Variants in PCNX2 observed in about 807,000 individuals in gnomAD.
PCNX2 encodes the protein pecanex 2, also known as pecanex-like protein 2.
A neutral mutation model predicts 223.8 loss-of-function variants in PCNX2; 168 were observed. The observed-to-expected ratio is 0.75, with a 90% CI of 0.66 to 0.85. The LOEUF is 0.85. PCNX2 is among the 40% of genes least tolerant of loss of function. The pLI, the probability that PCNX2 is intolerant of heterozygous loss-of-function variation, is 0.00. For missense variants in PCNX2, 2,507 were observed against 2,675.5 expected (o/e 0.94, Z 1.39); for synonymous variants, 1,006 against 1,052.6 (o/e 0.96, Z 0.86).
chr1:233,087,657 T>A (rs996591175), intron 23 of PCNX2, among the ~76,000 whole-genome samples: 6 of 152,198 alleles, frequency 3.9e-5, no homozygotes, highest in African/African-American at 1.4e-4. Context: ...TCTACTGTTG[T>A]GATTTCCCTC....
intron 21 of PCNX2, among the ~76,000 whole-genome samples, chr1:233,104,799 T>C (rs1474087062): frequency 1.4e-5 from 2 of 146,810 alleles, no homozygotes; most frequent in Non-Finnish European, 3.0e-5. Context: ...AAAATTAATA[T>C]CATGCACAGT....
At chr1:233,216,877 C>T (rs1656967592) in intron 12 of PCNX2, among the ~76,000 whole-genome samples, 1 of 151,880 alleles carries the variant, frequency 6.6e-6, no homozygotes, top group South Asian at 2.1e-4. Context: ...ATCATTCAGC[C>T]TAAAAAAAGA....
chr1:233,086,407 C>T (rs1347762260), intron 23 of PCNX2, among the ~76,000 whole-genome samples: 1 of 152,008 alleles, frequency 6.6e-6, no homozygotes, highest in Admixed American at 6.6e-5. Context: ...CCTGTAATCC[C>T]AGCACTTTGG....
At chr1:233,301,766 A>G in the PCNX2 span, among the ~76,000 whole-genome samples, 1 of 151,662 alleles carries the variant, frequency 6.6e-6, no homozygotes, top group Non-Finnish European at 1.5e-5. Flanking sequence ...ATACTAAGAA[A>G]GATAAAGTCA....
intron 24 of PCNX2, among the ~76,000 whole-genome samples, chr1:233,055,563 T>A (rs1464219346): frequency 1.3e-5 from 2 of 152,100 alleles, no homozygotes; most frequent in African/African-American, 4.8e-5. Context: ...TTGGATAACA[T>A]GGGAAGTCTT....
At chr1:233,096,307 G>A (rs1198425100) in intron 21 of PCNX2, among the ~76,000 whole-genome samples, 1 of 152,172 alleles carries the variant, frequency 6.6e-6, no homozygotes, top group Non-Finnish European at 1.5e-5. Flanking sequence ...TGAAATGCAA[G>A]TTACAAAGTA....
chr1:233,190,520 G>C lies in PCNX2; in HGVS notation c.3066+8419C>G, dbSNP rs572124366. On this transcript the variant is annotated intron_variant, in intron 15 of 33. Coordinates refer to ENST00000258229, the MANE Select transcript of PCNX2 (RefSeq NM_014801.4). Reference sequence around the variant, plus strand: ...TTTAACAAAAGGTGCTTCAAAATACGGTTAGAACATTAAGGTTTGTTTGTT... The same window carrying C: ...TTTAACAAAAGGTGCTTCAAAATACCGTTAGAACATTAAGGTTTGTTTGTT... Among the ~76,000 whole-genome samples the C allele has an allele frequency of 5.8e-4, 88 of 152,268 alleles. 1 individual carries two copies. The South Asian group carries it at 0.014, about 24-fold the overall frequency.
chr1:233,179,320 T>A (rs1679664137), intron 15 of PCNX2, 145 bp from the exon 16 acceptor site: 1 of 837,812 alleles, frequency 1.2e-6, no homozygotes, highest in Admixed American at 2.6e-5. Context: ...CATATAAGCA[T>A]CTGGTGGGCA....
intron 8 of PCNX2, among the ~76,000 whole-genome samples, chr1:233,247,046 G>A (rs1005158168): frequency 2.0e-5 from 3 of 152,202 alleles, no homozygotes; most frequent in African/African-American, 7.2e-5. Flanking sequence ...CAGACTCTGG[G>A]GAGATGTTTG....
the PCNX2 span, among the ~76,000 whole-genome samples, chr1:233,312,227 C>T: frequency 0.019 from 2,892 of 151,894 alleles, 96 homozygotes; most frequent in African/African-American, 0.066. Flanking sequence ...AAACAAAGGG[C>T]AAAGGACAAA....
intron 15 of PCNX2, among the ~76,000 whole-genome samples, chr1:233,186,270 A>G (rs1680090831): frequency 6.6e-6 from 1 of 152,232 alleles, no homozygotes; most frequent in Non-Finnish European, 1.5e-5. Flanking sequence ...ACATCCTAAA[A>G]TAAGAACGAG....
At chr1:233,114,585 T>C (rs190096348) in intron 21 of PCNX2, among the ~76,000 whole-genome samples, 2 of 152,202 alleles carry the variant, frequency 1.3e-5, no homozygotes, top group Non-Finnish European at 2.9e-5. Context: ...TGTAAAAAGC[T>C]TGGAAGTTAT....
upstream of PCNX2, among the ~76,000 whole-genome samples, chr1:233,298,139 G>A (rs1000794049): frequency 3.9e-5 from 6 of 152,054 alleles, no homozygotes; most frequent in African/African-American, 7.2e-5. Flanking sequence ...CCCATAAAAC[G>A]GGATGATAAT....
At chr1:233,281,013 G>A (rs549128965) in intron 1 of PCNX2, among the ~76,000 whole-genome samples, 5 of 151,910 alleles carry the variant, frequency 3.3e-5, no homozygotes, top group African/African-American at 7.3e-5. Context: ...TCAACACTAC[G>A]GAATAATAAA....
chr1:233,129,139 G>A (rs1213990634), intron 21 of PCNX2, among the ~76,000 whole-genome samples: 1 of 152,252 alleles, frequency 6.6e-6, no homozygotes, highest in Non-Finnish European at 1.5e-5. Context: ...GCGTGGGCGG[G>A]AACCTGGGCT....
intron 17 of PCNX2, among the ~76,000 whole-genome samples, chr1:233,173,353 A>G (rs946749310): frequency 1.3e-5 from 2 of 152,074 alleles, no homozygotes; most frequent in African/African-American, 4.8e-5. Flanking sequence ...TTTAGTAGAG[A>G]TGGGGTTTCA....
At chr1:233,070,833 G>A (rs1210495511) in intron 23 of PCNX2, among the ~76,000 whole-genome samples, 2 of 152,038 alleles carry the variant, frequency 1.3e-5, no homozygotes, top group African/African-American at 4.8e-5. Context: ...TCTGGAGATC[G>A]AGACCATCCT....
At chr1:233,187,512 G>C (rs1680174702) in intron 15 of PCNX2, among the ~76,000 whole-genome samples, 2 of 152,042 alleles carry the variant, frequency 1.3e-5, no homozygotes, top group African/African-American at 4.8e-5. Context: ...TTCTGGATTT[G>C]ATCCCAGCAT....
At chr1:233,283,030 AAAT>A (rs538878861) in intron 1 of PCNX2, among the ~76,000 whole-genome samples, 3,695 of 151,892 alleles carry the variant, frequency 0.024, 157 homozygotes, top group African/African-American at 0.085. Flanking sequence ...CTAAAAAAAA[AAAT>A]AATAATAATA....
Sources: allele counts gnomAD v4.1 joint callset (sites outside exome capture counted in the v4.1 genomes callset), GRCh38; gene constraint gnomAD v4.1.1; transcripts MANE v1.5; gene names NCBI Gene and HGNC (gene_info 2026-07-23, HGNC 2026-07-21).